Variants in ARHGEF38 observed in about 807,000 individuals in gnomAD.
The protein encoded by ARHGEF38 is Rho guanine nucleotide exchange factor (GEF) 38.
In ARHGEF38, 79 loss-of-function variants were observed where a neutral mutation model predicts 79.9. That is an observed-to-expected ratio of 0.99 (90% CI 0.82 to 1.19). The LOEUF (loss-of-function observed/expected upper bound fraction) is 1.19, where lower values mean the gene tolerates loss of function less well. ARHGEF38 is among the 50% of genes most tolerant of loss of function. The probability of loss-of-function intolerance (pLI) is 0.00; values close to 1 mark genes in which losing one functional copy is unlikely to be tolerated. For missense variants in ARHGEF38, 962 were observed against 907.2 expected, an observed-to-expected ratio of 1.06 and a Z score of -0.78; for synonymous variants, 366 against 328.3, an observed-to-expected ratio of 1.11 and a Z score of -1.24.
chr4:105,638,846 A>G (rs1729505825), intron 5 of ARHGEF38, among the ~76,000 whole-genome samples: 1 of 152,118 alleles, frequency 6.6e-6, no homozygotes, highest in Non-Finnish European at 1.5e-5. Flanking sequence ...TTAGTTTGCC[A>G]AACCCTTACT....
chr4:105,658,396 T>A (rs1459503035), intron 9 of ARHGEF38, among the ~76,000 whole-genome samples: 1 of 152,080 alleles, frequency 6.6e-6, no homozygotes, highest in Non-Finnish European at 1.5e-5. Flanking sequence ...TGAGACCCTG[T>A]CTCAAAATTA....
Position 105,653,631 on chromosome 4 carries a change from T to A in ARHGEF38, c.1009-434T>A, listed in dbSNP as rs142705118. Among the ~76,000 whole-genome samples, 580 of 152,320 alleles carry A rather than the reference T, an allele frequency of 3.8e-3. 7 individuals are homozygous for A. Among genetic ancestry groups the A allele is most frequent in the Admixed American group, 0.031 (475 of 15,286 alleles). ...TTATTTAACCATGAATCTAAGAATATTTTCTAAATAAGCACTGTTAAATAA... is the reference window on the plus strand; with the variant it reads ...TTATTTAACCATGAATCTAAGAATAATTTCTAAATAAGCACTGTTAAATAA... On this transcript the variant is annotated intron_variant, in intron 7 of 13. Transcript: ENST00000420470.
intron 5 of ARHGEF38, among the ~76,000 whole-genome samples, chr4:105,641,646 A>G (rs1014932388): frequency 2.1e-4 from 32 of 152,152 alleles, no homozygotes; most frequent in African/African-American, 7.7e-4. Context: ...TATAGTTAAT[A>G]GTTACATAAT....
Position 105,679,791 on chromosome 4 carries a change from C to T in ARHGEF38, c.*1854C>T, listed in dbSNP as rs1192268248. The T allele has an allele frequency of 3.7e-6, 4 of 1,066,738 alleles. No individual in the cohort carries two copies. In the African/African-American group the frequency reaches 6.3e-5, roughly 17 times the overall value. 66.1% of individuals were successfully genotyped at this position (1,066,738 alleles called of 1,614,324 possible). A position where few individuals can be genotyped will look rare whatever the true frequency, so the allele number is the denominator to read the frequency against. On this transcript the variant is annotated 3_prime_UTR_variant, in exon 14 of 14. Coordinates refer to ENST00000420470, the MANE Select transcript of ARHGEF38 (RefSeq NM_001242729.2). The stretch of plus-strand genomic sequence containing the variant: ...CATATACAAACCCCTGTCTGTCCAG[C>T]TTTACCCACGCATCCAGAGAGATGG...
At chr4:105,681,972 G>C, downstream of ARHGEF38, among the ~76,000 whole-genome samples, 1 of 152,114 alleles carries the variant, frequency 6.6e-6, no homozygotes, top group East Asian at 1.9e-4. Flanking sequence ...TTGTGAAATG[G>C]TATTTTTCTT....
intron 10 of ARHGEF38, among the ~76,000 whole-genome samples, chr4:105,659,990 T>C (rs905808906): frequency 2.6e-5 from 4 of 152,156 alleles, no homozygotes; most frequent in South Asian, 2.1e-4. Flanking sequence ...GCTTGGTTTC[T>C]TGGCCCTACG....
intron 6 of ARHGEF38, among the ~76,000 whole-genome samples, chr4:105,648,103 T>C (rs1440242318): frequency 6.6e-6 from 1 of 152,002 alleles, no homozygotes; most frequent in African/African-American, 2.4e-5. Context: ...TTGGCCAGGC[T>C]GATCTCAAAC....
chr4:105,598,546 C>T (rs1727682553), intron 2 of ARHGEF38, among the ~76,000 whole-genome samples: 1 of 152,158 alleles, frequency 6.6e-6, no homozygotes, highest in Non-Finnish European at 1.5e-5. Flanking sequence ...ATGTTATACT[C>T]TTGCTGGAAG....
intron 2 of ARHGEF38, among the ~76,000 whole-genome samples, chr4:105,606,637 T>C (rs545560645): frequency 3.3e-5 from 5 of 152,236 alleles, no homozygotes; most frequent in African/African-American, 1.2e-4. Context: ...GTGATCTATC[T>C]AGATTTCAAA....
intron 2 of ARHGEF38, among the ~76,000 whole-genome samples, chr4:105,590,084 AAGGAAG>A (rs2110458365): frequency 9.4e-6 from 1 of 105,860 alleles, no homozygotes; most frequent in Admixed American, 8.5e-5. Flanking sequence ...AGAAGGAAGG[AAGGAAG>A]GAAGGAAGGA....
At chr4:105,577,348 G>A (rs562600114) in intron 1 of ARHGEF38, among the ~76,000 whole-genome samples, 33 of 146,664 alleles carry the variant, frequency 2.3e-4, no homozygotes, top group South Asian at 8.7e-4. Context: ...GAGAATACGC[G>A]GTGTTTGGTT....
rs544138124 is a variant in ARHGEF38 at position 105,666,469 on chromosome 4, T to C, written c.1689+149T>C. 30 of 980,162 alleles carry C rather than the reference T, an allele frequency of 3.1e-5. No individual in the cohort carries two copies. In the East Asian group the frequency reaches 8.1e-4, roughly 27 times the overall value. 60.7% of individuals were successfully genotyped at this position (980,162 alleles called of 1,614,324 possible). A position where few individuals can be genotyped will look rare whatever the true frequency, so the allele number is the denominator to read the frequency against. Reference sequence around the variant, plus strand: ...GAATTTCTTGTACATTTCTATCCTATATACCATAAGCTCCATAAGATCATG... The same window carrying C: ...GAATTTCTTGTACATTTCTATCCTACATACCATAAGCTCCATAAGATCATG... On this transcript the variant is annotated intron_variant, in intron 11 of 13. Transcript: ENST00000420470.
chr4:105,625,757 C>T (rs957659563), intron 3 of ARHGEF38, among the ~76,000 whole-genome samples: 20 of 152,186 alleles, frequency 1.3e-4, no homozygotes, highest in African/African-American at 4.6e-4. Flanking sequence ...TGATTTGGGG[C>T]AGCCAAAACT....
intron 1 of ARHGEF38, among the ~76,000 whole-genome samples, chr4:105,585,644 T>G (rs1454705894): frequency 1.3e-5 from 2 of 152,110 alleles, no homozygotes; most frequent in Non-Finnish European, 2.9e-5. Flanking sequence ...GCTTTGACAT[T>G]GTATTTTATT....
intron 2 of ARHGEF38, among the ~76,000 whole-genome samples, chr4:105,610,690 G>C (rs11945534): frequency 1.3e-5 from 2 of 152,004 alleles, no homozygotes; most frequent in African/African-American, 4.8e-5. Context: ...TGATATGGGC[G>C]TTTGAAATCA....
Position 105,640,194 on chromosome 4 carries a change from T to A in ARHGEF38, c.674+3774T>A, listed in dbSNP as rs187397304. Reference sequence around the variant, plus strand: ...TTTCCATTTCTCCATTCCCCCTAAGTTGTTACGCTGTAATTTTGTTAGAGC... The same window carrying A: ...TTTCCATTTCTCCATTCCCCCTAAGATGTTACGCTGTAATTTTGTTAGAGC... On this transcript the variant is annotated intron_variant, in intron 5 of 13. Coordinates refer to ENST00000420470, the MANE Select transcript of ARHGEF38 (RefSeq NM_001242729.2). Among the ~76,000 whole-genome samples, 368 of 152,212 alleles carry A rather than the reference T, an allele frequency of 2.4e-3. 4 individuals carry two copies. Among genetic ancestry groups the A allele is most frequent in the Non-Finnish European group, 4.2e-3 (285 of 67,992 alleles).
At chr4:105,647,798 G>A (rs1288333255) in intron 6 of ARHGEF38, among the ~76,000 whole-genome samples, 1 of 152,022 alleles carries the variant, frequency 6.6e-6, no homozygotes, top group Non-Finnish European at 1.5e-5. Flanking sequence ...AGGTTATTCA[G>A]CTTGCCCCAA....
intron 10 of ARHGEF38, among the ~76,000 whole-genome samples, chr4:105,662,763 T>G (rs1487834333): frequency 6.6e-6 from 1 of 152,168 alleles, no homozygotes; most frequent in Non-Finnish European, 1.5e-5. Flanking sequence ...CAGAACAAAG[T>G]TGAGCTTTGG....
At chr4:105,561,394 GTAGAATAA>G (rs748747786) in intron 1 of ARHGEF38, among the ~76,000 whole-genome samples, 1,266 of 26,598 alleles carry the variant, frequency 0.048, 271 homozygotes, top group Non-Finnish European at 0.056. Context: ...CAAAAATAGA[GTAGAATAA>G]TAGAATAGAA....
Sources: gnomAD v4.1 joint callset for allele counts (sites outside exome capture counted in the v4.1 genomes callset) on GRCh38, gnomAD v4.1.1 for gene constraint, MANE v1.5 for transcripts, NCBI Gene and HGNC (gene_info 2026-07-23, HGNC 2026-07-21) for gene names.